Variants in DIAPH2 observed in about 807,000 individuals in gnomAD.
DIAPH2 encodes the protein protein diaphanous homolog 2.
A neutral mutation model predicts 92.7 loss-of-function variants in DIAPH2; 35 were observed. The observed-to-expected ratio is 0.38, with a 90% CI of 0.29 to 0.50. DIAPH2 has a LOEUF of 0.50. Ranked by LOEUF, DIAPH2 falls within the 20% of genes least tolerant of loss-of-function variation. The probability of loss-of-function intolerance (pLI) is 0.94; values close to 1 mark genes in which losing one functional copy is unlikely to be tolerated. For synonymous variants in DIAPH2, 301 were observed against 280.4 expected (o/e 1.07, Z -0.73); for missense variants, 701 against 819.5 (o/e 0.86, Z 1.77).
At chrX:96,937,521 G>A (rs1387720485) in intron 11 of DIAPH2, among the ~76,000 whole-genome samples, 170 bp downstream of exon 11, 1 of 111,598 alleles carries the variant, frequency 9.0e-6, no homozygotes, top group Admixed American at 9.5e-5. Context: ...TTGAGGAATT[G>A]TCAGGCTGTC....
chrX:96,857,151 G>A (rs1419394563), intron 4 of DIAPH2, among the ~76,000 whole-genome samples: 1 of 111,616 alleles, frequency 9.0e-6, no homozygotes, highest in Non-Finnish European at 1.9e-5. Flanking sequence ...ATATCCTTCT[G>A]AATTCTGGGG....
At chrX:96,998,257 A>G (rs1018515859) in intron 17 of DIAPH2, among the ~76,000 whole-genome samples, 6 of 111,632 alleles carry the variant, frequency 5.4e-5, no homozygotes, top group Non-Finnish European at 1.1e-4. Flanking sequence ...TTTAGGATAT[A>G]TTAATAAACT....
intron 17 of DIAPH2, among the ~76,000 whole-genome samples, chrX:97,049,025 A>T (rs183050901): frequency 1.7e-4 from 19 of 110,002 alleles, no homozygotes; most frequent in African/African-American, 5.9e-4. Flanking sequence ...GTGTGTGCTC[A>T]TTGCTACTGG....
intron 26 of DIAPH2, among the ~76,000 whole-genome samples, chrX:97,477,071 T>TGTA (rs1193688214): frequency 9.8e-6 from 1 of 102,365 alleles, no homozygotes; most frequent in Non-Finnish European, 2.0e-5. Flanking sequence ...GGCTCACCCC[T>TGTA]GTAATCCCAG....
chrX:97,089,720 A>G (rs1442479913), intron 19 of DIAPH2, among the ~76,000 whole-genome samples: 2 of 110,371 alleles, frequency 1.8e-5, no homozygotes, highest in African/African-American at 6.6e-5. Context: ...GAAAATAATC[A>G]ATTATTTTAT....
At chrX:97,227,851 T>C (rs187050210) in intron 22 of DIAPH2, among the ~76,000 whole-genome samples, 445 of 111,738 alleles carry the variant, frequency 4.0e-3, no homozygotes, top group African/African-American at 0.014. Context: ...TGAGATCCAG[T>C]TTTTAAAAAT....
chrX:96,964,487 C>G (rs1221153204), intron 16 of DIAPH2, among the ~76,000 whole-genome samples: 1 of 111,489 alleles, frequency 9.0e-6, no homozygotes, highest in Non-Finnish European at 1.9e-5. Context: ...GTTAAGACCA[C>G]AGTCCTCTGG....
At chrX:96,858,610 C>T (rs756198967) in intron 4 of DIAPH2, among the ~76,000 whole-genome samples, 2 of 111,661 alleles carry the variant, frequency 1.8e-5, no homozygotes, top group South Asian at 7.5e-4. Flanking sequence ...AGCATAATGC[C>T]AAGTTAGCTA....
intron 17 of DIAPH2, among the ~76,000 whole-genome samples, chrX:96,969,742 T>G (rs2065916225): frequency 2.7e-5 from 3 of 111,559 alleles, no homozygotes; most frequent in Non-Finnish European, 5.6e-5. Flanking sequence ...CTTGCCTGAT[T>G]ACTCATCCAA....
rs1173739682 is a variant in DIAPH2 at position 97,161,364 on chromosome X, GA to G, written c.2719+19573del. Among the ~76,000 whole-genome samples the G allele has an allele frequency of 2.7e-5, 3 of 111,031 alleles. No individual in the cohort carries two copies. In the East Asian group the frequency reaches 8.5e-4, roughly 31 times the overall value. On this transcript the variant is annotated intron_variant, in intron 22 of 26. Transcript: ENST00000324765. ...CTGGTTCCAATTAGGTAAAAATGAT[GA>G]AACTATGTTATACTGGACTTCAAAA...
At chrX:96,977,003 C>A (rs1485118295) in intron 17 of DIAPH2, among the ~76,000 whole-genome samples, 1 of 111,149 alleles carries the variant, frequency 9.0e-6, no homozygotes, top group African/African-American at 3.3e-5. Flanking sequence ...TAGTAAGTGG[C>A]AAAATGGTGA....
At chrX:97,210,554 G>A (rs758469512) in intron 22 of DIAPH2, among the ~76,000 whole-genome samples, 5 of 111,810 alleles carry the variant, frequency 4.5e-5, no homozygotes, top group Non-Finnish European at 7.5e-5. Context: ...CACAAACACT[G>A]TGTGTTTTTA....
chrX:97,316,000 C>G (rs1298160071), intron 23 of DIAPH2, among the ~76,000 whole-genome samples: 1 of 111,222 alleles, frequency 9.0e-6, no homozygotes, highest in Admixed American at 9.7e-5. Flanking sequence ...TTAACTTAGC[C>G]CAAGTTTCTT....
chrX:97,128,780 C>G (rs2067110861), intron 21 of DIAPH2, among the ~76,000 whole-genome samples: 2 of 111,898 alleles, frequency 1.8e-5, no homozygotes, highest in African/African-American at 6.5e-5. Context: ...AGTAATAGAG[C>G]CTTTGTGTTA....
At chrX:97,344,720 A>C (rs2069141371) in intron 23 of DIAPH2, among the ~76,000 whole-genome samples, 2 of 112,259 alleles carry the variant, frequency 1.8e-5, no homozygotes, top group South Asian at 7.3e-4. Context: ...ACAATTTCTG[A>C]AATCAGTTTT....
At position 96,751,662 on chromosome X, in the gene DIAPH2, T is replaced by G. The variant is rs768722946; in HGVS notation, c.343-6492T>G. Among the ~76,000 whole-genome samples the G allele has an allele frequency of 2.5e-4, 19 of 74,736 alleles. 1 individual carries two copies. The highest frequency in any genetic ancestry group is 3.8e-4 in the Non-Finnish European group (14 of 36,430). 64.9% of individuals were successfully genotyped at this position (74,736 alleles called of 115,157 possible). On this transcript the variant is annotated intron_variant, in intron 3 of 26. Transcript: ENST00000324765. ...AGACTTCAGTGTTTTGTTTTTTTTT[T>G]TTTTTTTTTGAGACGAAGTCTCGCT...
chrX:96,698,014 C>G (rs1443192482), intron 1 of DIAPH2, among the ~76,000 whole-genome samples: 1 of 111,439 alleles, frequency 9.0e-6, no homozygotes, highest in African/African-American at 3.3e-5. Context: ...AAAATACCAG[C>G]CTGTGATAGC....
chrX:97,429,583 C>T, intron 25 of DIAPH2, 67 bp from the exon 26 acceptor site: 2 of 1,156,449 alleles, frequency 1.7e-6, no homozygotes, highest in Admixed American at 2.6e-5. Context: ...AGGAGTTTTT[C>T]CCTTTATTTT....
At chrX:97,001,646 AAAAACAAAAC>A (rs201219540) in intron 17 of DIAPH2, among the ~76,000 whole-genome samples, 15 of 111,712 alleles carry the variant, frequency 1.3e-4, no homozygotes, top group African/African-American at 4.2e-4. Flanking sequence ...ACTCCACCTC[AAAAACAAAAC>A]AAAACAAAAC....
Sources: allele counts gnomAD v4.1 joint callset (sites outside exome capture counted in the v4.1 genomes callset), GRCh38; gene constraint gnomAD v4.1.1; transcripts MANE v1.5; gene names NCBI Gene and HGNC (gene_info 2026-07-23, HGNC 2026-07-21).